Variants in WDR91 observed in about 807,000 individuals in gnomAD.
WDR91 encodes the protein WD repeat domain 91.
In WDR91, 52 loss-of-function variants were observed where a neutral mutation model predicts 88.4. That is an observed-to-expected ratio of 0.59 (90% CI 0.47 to 0.74). WDR91 has a LOEUF of 0.74. Ranked by LOEUF, WDR91 falls within the 30% of genes least tolerant of loss-of-function variation. The probability of loss-of-function intolerance (pLI) is 0.00; values close to 1 mark genes in which losing one functional copy is unlikely to be tolerated. For synonymous variants in WDR91, 362 were observed against 389.5 expected, an observed-to-expected ratio of 0.93 and a Z score of 0.83; for missense variants, 824 against 954.5, an observed-to-expected ratio of 0.86 and a Z score of 1.80.
chr7:135,199,321 G>A (rs929251507), intron 6 of WDR91: 6 of 152,154 alleles, frequency 3.9e-5, no homozygotes, highest in East Asian at 1.9e-4. Flanking sequence ...AAGTACTTCC[G>A]TGAACAAAGA....
chr7:135,191,394 G>C (rs1416389919), intron 11 of WDR91, among the ~76,000 whole-genome samples: 3 of 152,224 alleles, frequency 2.0e-5, no homozygotes, highest in African/African-American at 7.2e-5. Flanking sequence ...GATCACCTGA[G>C]GTCAGGAGTT....
chr7:135,193,230 C>T lies in WDR91; in HGVS notation c.1659+1G>A, dbSNP rs757451134. 1.9e-6 allele frequency: 3 copies of T among 1,613,564 alleles called. No homozygotes were observed. The highest frequency in any genetic ancestry group is 1.3e-5 in the African/African-American group (1 of 75,020). On this transcript the variant is annotated splice_donor_variant, in intron 11 of 14. Transcript: ENST00000354475. LOFTEE classifies it high-confidence loss of function. ...GAGAGAGCCACAGGGCAGGCCCGTA[C>T]CTGCTGCTTCATGGTTTTCGTGTCC...
chr7:135,198,202 T>C, intron 6 of WDR91, 51 bp from the exon 7 acceptor site: 2 of 1,580,832 alleles, frequency 1.3e-6, no homozygotes, highest in Non-Finnish European at 1.7e-6. Context: ...GCCCAGGCCA[T>C]GATAAGCATG....
At chr7:135,198,208 G>A in intron 6 of WDR91, 57 bp from the exon 7 acceptor site, 2 of 1,577,048 alleles carry the variant, frequency 1.3e-6, no homozygotes, top group South Asian at 1.1e-5. Context: ...GCCATGATAA[G>A]CATGCCAGGA....
At chr7:135,195,902 G>A (rs1040215721) in intron 8 of WDR91, among the ~76,000 whole-genome samples, 4 of 151,828 alleles carry the variant, frequency 2.6e-5, no homozygotes, top group African/African-American at 9.7e-5. Flanking sequence ...AGCCAAGATC[G>A]TGCCACTGCA....
Position 135,209,853 on chromosome 7 carries a change from T to C in WDR91, c.124-98A>G. 4.4e-6 allele frequency: 5 copies of C among 1,126,230 alleles called. No homozygotes were observed. In the South Asian group the frequency reaches 1.1e-4, roughly 26 times the overall value. 69.8% of individuals were successfully genotyped at this position (1,126,230 alleles called of 1,614,324 possible). On this transcript the variant is annotated intron_variant, in intron 1 of 14. Coordinates refer to ENST00000354475, the MANE Select transcript of WDR91 (RefSeq NM_014149.4). ...TTCCTCTTGTCATGGCTTCTGGGTG[T>C]AAAAAAAAATTTGTAAGTTAGCAAT...
intron 9 of WDR91, among the ~76,000 whole-genome samples, chr7:135,194,565 C>T (rs765847384): frequency 3.3e-5 from 5 of 152,220 alleles, no homozygotes; most frequent in Non-Finnish European, 5.9e-5. Context: ...ACACCAGCCC[C>T]TCACCAGCGG....
chr7:135,186,731 C>T (rs1278493860), intron 14 of WDR91, among the ~76,000 whole-genome samples: 3 of 152,184 alleles, frequency 2.0e-5, no homozygotes, highest in East Asian at 1.9e-4. Context: ...TCTCTCCTGC[C>T]GGGGGGCCAG....
At chr7:135,205,794 T>C (rs1370088209) in intron 5 of WDR91, 134 bp downstream of exon 5, 4 of 1,303,336 alleles carry the variant, frequency 3.1e-6, no homozygotes, top group Non-Finnish European at 4.3e-6. Context: ...GCAAGAGCAG[T>C]GTGTGCCAGG....
chr7:135,185,266 T>C lies in WDR91; in HGVS notation c.*885A>G, dbSNP rs189242667. 1.3e-5 allele frequency: 2 copies of C among 152,342 alleles called. No individual in the cohort carries two copies. Among genetic ancestry groups the C allele is most frequent in the Admixed American group, 1.3e-4 (2 of 15,306 alleles). 9.4% of individuals were successfully genotyped at this position (152,342 alleles called of 1,614,324 possible). A position where few individuals can be genotyped will look rare whatever the true frequency, so the allele number is the denominator to read the frequency against. ...TCATGTACAAAATTATTTAAAATACTGTATAGAGTTACCTTCAGGCTACAT... is the reference window on the plus strand; with the variant it reads ...TCATGTACAAAATTATTTAAAATACCGTATAGAGTTACCTTCAGGCTACAT... On this transcript the variant is annotated 3_prime_UTR_variant, in exon 15 of 15. Transcript: ENST00000354475.
intron 3 of WDR91, among the ~76,000 whole-genome samples, chr7:135,208,257 T>C (rs1349845655): frequency 6.6e-6 from 1 of 152,188 alleles, no homozygotes; most frequent in East Asian, 1.9e-4. Context: ...TGCATTCTCA[T>C]TCATTCCCCC....
chr7:135,206,163 A>T, intron 4 of WDR91, 105 bp from the exon 5 acceptor site: 1 of 1,464,894 alleles, frequency 6.8e-7, no homozygotes, highest in South Asian at 1.2e-5. Context: ...TCTGAGTGCC[A>T]CTCGCCTCAG....
intron 3 of WDR91, among the ~76,000 whole-genome samples, chr7:135,207,924 A>G (rs539792695): frequency 6.6e-6 from 1 of 152,298 alleles, no homozygotes; most frequent in South Asian, 2.1e-4. Context: ...AGTTAACTGG[A>G]GAGCCCTCAG....
At chr7:135,201,340 G>A (rs1212862685) in intron 6 of WDR91, 1 of 118,772 alleles carries the variant, frequency 8.4e-6, no homozygotes, top group African/African-American at 3.2e-5. Context: ...GTGTGGTTTC[G>A]CAGTTATTTC....
intron 9 of WDR91, 23 bp downstream of exon 9, chr7:135,194,911 C>T: frequency 6.2e-7 from 1 of 1,612,442 alleles, no homozygotes. Context: ...GCAAAGCGGG[C>T]CCCACAGGCC....
chr7:135,207,654 G>A (rs1831847518), intron 3 of WDR91, among the ~76,000 whole-genome samples: 2 of 152,212 alleles, frequency 1.3e-5, no homozygotes, highest in African/African-American at 2.4e-5. Context: ...TCCCCAGGTT[G>A]AGCCTCTCCC....
At chr7:135,208,040 C>T (rs575130648) in intron 3 of WDR91, among the ~76,000 whole-genome samples, 4 of 152,226 alleles carry the variant, frequency 2.6e-5, no homozygotes, top group African/African-American at 9.6e-5. Flanking sequence ...GGTGCCCTTC[C>T]CACCTCCACC....
At chr7:135,198,226 G>C (rs1382202840) in intron 6 of WDR91, 75 bp from the exon 7 acceptor site, 10 of 1,523,878 alleles carry the variant, frequency 6.6e-6, no homozygotes, top group Middle Eastern at 2.3e-4. Context: ...GGAGTGGTCA[G>C]CCCTGGGCGG....
At chr7:135,193,816 C>T in intron 9 of WDR91, 144 bp from the exon 10 acceptor site, 2 of 645,902 alleles carry the variant, frequency 3.1e-6, no homozygotes, top group Non-Finnish European at 5.4e-6. Context: ...GGAAATCTGG[C>T]TACAATGAGC....
Sources: gnomAD v4.1 joint callset for allele counts (sites outside exome capture counted in the v4.1 genomes callset) on GRCh38, gnomAD v4.1.1 for gene constraint, MANE v1.5 for transcripts, NCBI Gene and HGNC (gene_info 2026-07-23, HGNC 2026-07-21) for gene names.